The following CTNNA2 variants were observed in gnomAD, a reference collection of about 807,000 sequenced individuals.
The protein encoded by CTNNA2 is catenin alpha 2, also known as catenin alpha-2.
Under a neutral mutation model 101.0 loss-of-function variants are expected in CTNNA2, and 42 were observed. The observed-to-expected ratio is 0.42, with a 90% CI of 0.32 to 0.54. The LOEUF (loss-of-function observed/expected upper bound fraction) is 0.54, where lower values mean the gene tolerates loss of function less well. CTNNA2 is among the 20% of genes least tolerant of loss of function. The pLI, the probability that CTNNA2 is intolerant of heterozygous loss-of-function variation, is 0.14. For missense variants in CTNNA2, 871 were observed against 1,223.1 expected (o/e 0.71, Z 4.29); for synonymous variants, 450 against 456.4 (o/e 0.99, Z 0.18).
At chr2:80,102,640 G>A (rs983562838) in intron 7 of CTNNA2, among the ~76,000 whole-genome samples, 1 of 152,120 alleles carries the variant, frequency 6.6e-6, no homozygotes, top group African/African-American at 2.4e-5. Flanking sequence ...AGCCTCCTGA[G>A]TAGTTGGGAC....
intron 1 of CTNNA2, among the ~76,000 whole-genome samples, chr2:79,574,907 C>A (rs1450491117): frequency 6.6e-6 from 1 of 152,114 alleles, no homozygotes; most frequent in African/African-American, 2.4e-5. Context: ...AATAGCCATT[C>A]TGACTAGTGT....
chr2:80,139,993 C>T (rs977193953), intron 7 of CTNNA2, among the ~76,000 whole-genome samples: 6 of 152,160 alleles, frequency 3.9e-5, no homozygotes, highest in African/African-American at 7.2e-5. Context: ...CATTGACAGA[C>T]AGTATTTGGA....
intron 7 of CTNNA2, among the ~76,000 whole-genome samples, chr2:80,024,669 T>C (rs1055328246): frequency 1.3e-5 from 2 of 152,168 alleles, no homozygotes; most frequent in Admixed American, 1.3e-4. Context: ...CGCAGCAGTG[T>C]CCAACTGTGT....
chr2:79,448,310 C>G (rs767829090), intron 4 of CTNNA2, among the ~76,000 whole-genome samples: 8 of 151,886 alleles, frequency 5.3e-5, no homozygotes, highest in African/African-American at 9.7e-5. Flanking sequence ...TCTTTATGAA[C>G]TGTTTCTTCA....
At chr2:79,343,419 TAGA>T (rs2104430927) in intron 3 of CTNNA2, among the ~76,000 whole-genome samples, 1 of 152,354 alleles carries the variant, frequency 6.6e-6, no homozygotes, top group Admixed American at 6.5e-5. Flanking sequence ...GACTGCATTC[TAGA>T]AGAACTGACC....
At chr2:80,277,683 T>C (rs1176252305) in intron 7 of CTNNA2, among the ~76,000 whole-genome samples, 1 of 151,810 alleles carries the variant, frequency 6.6e-6, no homozygotes, top group Admixed American at 6.6e-5. Context: ...CAGGAATAAG[T>C]TTATGGTATT....
chr2:79,195,983 C>T lies in CTNNA2; in HGVS notation c.-523-1976C>T, dbSNP rs1274102659. The T allele has an allele frequency of 7.4e-6, 3 of 405,212 alleles. No individual in the cohort carries two copies. In the East Asian group the frequency reaches 2.2e-4, roughly 29 times the overall value. The allele number at this position is 405,212 out of a possible 1,614,324, so 25.1% of individuals were successfully genotyped here. On this transcript the variant is annotated intron_variant, in intron 1 of 21. Coordinates refer to the CTNNA2 transcript ENST00000466387. ...ATGGAGTCTCGATCTGTCACCCAGG[C>T]TGGAGTGCAGTGATGCGATCTCGGC...
intron 7 of CTNNA2, among the ~76,000 whole-genome samples, chr2:80,337,859 C>A (rs895422412): frequency 1.3e-5 from 2 of 152,264 alleles, no homozygotes; most frequent in African/African-American, 4.8e-5. Context: ...AGCGAATTGA[C>A]CCCACCATGG....
rs186769040 is a variant in CTNNA2 at position 80,589,549 on chromosome 2, T to C, written c.2189+64T>C. ...AAACCCAGAAGTGTAGCAGTGTGTA[T>C]TAGCATGTGAAAGCCTGCTGAAAAA... is the stretch of plus-strand genomic sequence containing the variant. On this transcript the variant is annotated intron_variant, in intron 15 of 18. Transcript: ENST00000402739. 8.1e-6 allele frequency: 12 copies of C among 1,480,358 alleles called. No homozygotes were observed. In the East Asian group the frequency reaches 1.2e-4, roughly 14 times the overall value. 91.7% of individuals were successfully genotyped at this position (1,480,358 alleles called of 1,614,324 possible).
intron 7 of CTNNA2, among the ~76,000 whole-genome samples, chr2:80,148,647 T>C (rs1332732754): frequency 6.6e-6 from 1 of 152,240 alleles, no homozygotes; most frequent in African/African-American, 2.4e-5. Context: ...CCAAGCTCTT[T>C]GCTGAATTTC....
chr2:79,832,246 G>A (rs936236853), intron 3 of CTNNA2, among the ~76,000 whole-genome samples: 1 of 152,182 alleles, frequency 6.6e-6, no homozygotes, highest in Admixed American at 6.5e-5. Context: ...AGAGGAATTT[G>A]AAAGTGTTCC....
At chr2:80,392,391 A>T (rs1677597703) in intron 7 of CTNNA2, among the ~76,000 whole-genome samples, 1 of 152,300 alleles carries the variant, frequency 6.6e-6, no homozygotes, top group East Asian at 1.9e-4. Flanking sequence ...GGGGAAGATT[A>T]TTGTCATCCA....
chr2:79,744,652 A>G, intron 3 of CTNNA2, 70 bp downstream of exon 3: 1 of 1,363,234 alleles, frequency 7.3e-7, no homozygotes, highest in Non-Finnish European at 9.9e-7. Flanking sequence ...TTTCTTTAGA[A>G]TCAATGGATA....
chr2:79,826,665 T>C (rs76301528), intron 3 of CTNNA2, among the ~76,000 whole-genome samples: 1 of 152,348 alleles, frequency 6.6e-6, no homozygotes, highest in East Asian at 1.9e-4. Flanking sequence ...CACATGCTTC[T>C]ATGAGAAGTT....
intron 2 of CTNNA2, among the ~76,000 whole-genome samples, chr2:79,296,448 T>G (rs1675981539): frequency 2.0e-5 from 3 of 152,216 alleles, no homozygotes; most frequent in African/African-American, 7.2e-5. Flanking sequence ...ATATAAACTG[T>G]GGCTTTTTCT....
chr2:80,036,842 TGTGTGTGAGA>T (rs775978316), intron 7 of CTNNA2, among the ~76,000 whole-genome samples: 26 of 79,798 alleles, frequency 3.3e-4, no homozygotes, highest in East Asian at 8.9e-4. Flanking sequence ...TGTGTGTGTG[TGTGTGTGAGA>T]GAGAGAGAGA....
At chr2:80,009,908 G>A (rs1031753660) in intron 7 of CTNNA2, among the ~76,000 whole-genome samples, 1 of 152,080 alleles carries the variant, frequency 6.6e-6, no homozygotes, top group Non-Finnish European at 1.5e-5. Flanking sequence ...GAAACAGACC[G>A]TCCTAGGTTC....
chr2:79,219,788 G>A (rs1386801552), intron 2 of CTNNA2, among the ~76,000 whole-genome samples: 3 of 152,186 alleles, frequency 2.0e-5, no homozygotes, highest in Admixed American at 1.3e-4. Flanking sequence ...AACAGTGAGT[G>A]CCTGGGCTAA....
chr2:80,271,792 A>G (rs1170350485), intron 7 of CTNNA2, among the ~76,000 whole-genome samples: 1 of 152,222 alleles, frequency 6.6e-6, no homozygotes, highest in Non-Finnish European at 1.5e-5. Flanking sequence ...GCCTCTAGTG[A>G]TAAATAACAC....
Sources: gnomAD v4.1 joint callset for allele counts (sites outside exome capture counted in the v4.1 genomes callset) on GRCh38, gnomAD v4.1.1 for gene constraint, MANE v1.5 for transcripts, NCBI Gene and HGNC (gene_info 2026-07-23, HGNC 2026-07-21) for gene names.